The following TC2N variants were observed in gnomAD, a reference collection of about 807,000 sequenced individuals.
TC2N encodes tandem C2 domains nuclear protein.
A neutral mutation model predicts 61.9 loss-of-function variants in TC2N; 51 were observed. The observed-to-expected ratio is 0.82, with a 90% CI of 0.66 to 1.04. TC2N has a LOEUF of 1.04. Among genes scored for constraint, TC2N ranks in the 50% least tolerant of loss-of-function variants. TC2N has a pLI of 0.00. For synonymous variants in TC2N, 204 were observed against 192.6 expected, an observed-to-expected ratio of 1.06 and a Z score of -0.49; for missense variants, 556 against 566.7, an observed-to-expected ratio of 0.98 and a Z score of 0.19.
chr14:91,821,101 C>T (rs1887230665), intron 1 of TC2N, among the ~76,000 whole-genome samples: 1 of 151,910 alleles, frequency 6.6e-6, no homozygotes, highest in Middle Eastern at 3.2e-3. Context: ...TCCCTTCCAG[C>T]TTTTTTACAG....
intron 1 of TC2N, among the ~76,000 whole-genome samples, chr14:91,821,543 A>T (rs990624763): frequency 1.3e-5 from 2 of 152,000 alleles, no homozygotes; most frequent in Non-Finnish European, 2.9e-5. Flanking sequence ...AAACTTCAAA[A>T]CTCTTAGAAG....
At chr14:91,805,619 C>T (rs887731774) in intron 3 of TC2N, among the ~76,000 whole-genome samples, 1 of 151,722 alleles carries the variant, frequency 6.6e-6, no homozygotes, top group Non-Finnish European at 1.5e-5. Flanking sequence ...GAGCCAGGAT[C>T]GTGCCACTGC....
chr14:91,851,284 T>C (rs1201168494), intron 1 of TC2N, among the ~76,000 whole-genome samples: 1 of 152,160 alleles, frequency 6.6e-6, no homozygotes, highest in African/African-American at 2.4e-5. Context: ...ATACAGGGTG[T>C]GTATAAATAT....
intron 1 of TC2N, among the ~76,000 whole-genome samples, chr14:91,849,829 C>A (rs1470983769): frequency 1.3e-5 from 2 of 152,128 alleles, no homozygotes. Context: ...GGGTGGATCA[C>A]CGGAGGTCAG....
chr14:91,798,093 G>A (rs1388197146), intron 7 of TC2N, among the ~76,000 whole-genome samples, 192 bp from the exon 8 acceptor site: 1 of 151,814 alleles, frequency 6.6e-6, no homozygotes, highest in African/African-American at 2.4e-5. Context: ...TTTCCCTCTT[G>A]AGCTTAAAAA....
intron 1 of TC2N, among the ~76,000 whole-genome samples, chr14:91,857,711 A>G (rs577197183): frequency 2.0e-5 from 3 of 152,182 alleles, no homozygotes; most frequent in Non-Finnish European, 4.4e-5. Flanking sequence ...CATTCCTTCC[A>G]CTATTGGCAA....
intron 3 of TC2N, among the ~76,000 whole-genome samples, chr14:91,810,971 A>G (rs1566773113): frequency 6.6e-6 from 1 of 152,122 alleles, no homozygotes; most frequent in South Asian, 2.1e-4. Flanking sequence ...GACAAAAAAT[A>G]TTTGGACAAA....
chr14:91,801,031 CAT>C (rs1196550447), intron 4 of TC2N, among the ~76,000 whole-genome samples: 3 of 150,102 alleles, frequency 2.0e-5, no homozygotes, highest in East Asian at 2.0e-4. Flanking sequence ...TATACACACA[CAT>C]ATGTATACAT....
intron 1 of TC2N, among the ~76,000 whole-genome samples, chr14:91,852,475 G>A (rs953615997): frequency 1.3e-5 from 2 of 151,940 alleles, no homozygotes; most frequent in South Asian, 2.1e-4. Flanking sequence ...TTTTTCAATC[G>A]GGAAACCTGC....
Position 91,792,155 on chromosome 14 carries a change from G to T in TC2N, c.1047+212C>A, listed in dbSNP as rs566373980. 3.8e-3 allele frequency among the ~76,000 whole-genome samples: 580 copies of T among 152,110 alleles called. 6 individuals are homozygous for T. The highest frequency in any genetic ancestry group is 0.013 in the African/African-American group (549 of 41,504). On this transcript the variant is annotated intron_variant, in intron 9 of 11. Coordinates refer to ENST00000435962, the MANE Select transcript of TC2N (RefSeq NM_001128596.3). ...GAAAAAAGAAATGTGCTAGGAGAAG[G>T]TAACCCTGAGGTTATTTTCCAATGG...
At chr14:91,847,542 A>C (rs1888294898) in intron 1 of TC2N, among the ~76,000 whole-genome samples, 1 of 152,222 alleles carries the variant, frequency 6.6e-6, no homozygotes, top group South Asian at 2.1e-4. Flanking sequence ...GTGGAGACCC[A>C]AATGAAGAGG....
rs1887385147 is a variant in TC2N, at chr14:91,824,104, TGG to T, written c.-56-10281_-56-10280del. Among the ~76,000 whole-genome samples, 4 of 152,330 alleles carry T rather than the reference TGG, an allele frequency of 2.6e-5. No individual in the cohort carries two copies. The South Asian group carries it at 8.3e-4, about 32-fold the overall frequency. On this transcript the variant is annotated intron_variant, in intron 1 of 11. Coordinates refer to ENST00000435962, the MANE Select transcript of TC2N (RefSeq NM_001128596.3). Reference sequence around the variant, plus strand: ...ACTTTACCCAATGCCAGAAATGATATGGGGACATTTAGCTAGAACATTCTAGT... The same window carrying T: ...ACTTTACCCAATGCCAGAAATGATATGGACATTTAGCTAGAACATTCTAGT...
chr14:91,844,355 G>C (rs10145714), intron 1 of TC2N, among the ~76,000 whole-genome samples: 1 of 151,940 alleles, frequency 6.6e-6, no homozygotes, highest in African/African-American at 2.4e-5. Context: ...GGAAACGGGG[G>C]AGGAAGAGCC....
At chr14:91,800,727 A>G (rs185358555) in intron 4 of TC2N, among the ~76,000 whole-genome samples, 2,933 of 152,132 alleles carry the variant, frequency 0.019, 49 homozygotes, top group Non-Finnish European at 0.03. Context: ...ATTAATAAGC[A>G]TGTATTACTT....
intron 1 of TC2N, among the ~76,000 whole-genome samples, chr14:91,841,749 C>CAGGG: frequency 6.6e-6 from 1 of 152,292 alleles, no homozygotes; most frequent in East Asian, 1.9e-4. Context: ...TCCACCTGTA[C>CAGGG]AGGGCTTCAG....
chr14:91,800,143 A>G, intron 5 of TC2N, 138 bp downstream of exon 5: 1 of 455,712 alleles, frequency 2.2e-6, no homozygotes, highest in Non-Finnish European at 3.9e-6. Flanking sequence ...GGAAATATCA[A>G]TTATTTATTC....
rs569510649 is a variant in TC2N at position 91,867,513 on chromosome 14, T to A, written c.-308A>T. On this transcript the variant is annotated 5_prime_UTR_variant, in exon 1 of 12. Transcript: ENST00000435962. ...CTGAGCCATTTGGTGCTGATGTGAT[T>A]GCTAACACCACTTGACCCTGACTGA... 6.6e-6 allele frequency: 1 copy of A among 152,364 alleles called. No individual in the cohort carries two copies. Among genetic ancestry groups the A allele is most frequent in the African/African-American group, 2.4e-5 (1 of 41,578 alleles). 9.4% of individuals were successfully genotyped at this position (152,364 alleles called of 1,614,324 possible). A position where few individuals can be genotyped will look rare whatever the true frequency, so the allele number is the denominator to read the frequency against.
chr14:91,852,285 G>C (rs1332309410), intron 1 of TC2N, among the ~76,000 whole-genome samples: 1 of 152,204 alleles, frequency 6.6e-6, no homozygotes. Flanking sequence ...AAAAACCTTA[G>C]CCGGGTGTGG....
chr14:91,862,155 T>C (rs1888603741), intron 1 of TC2N, among the ~76,000 whole-genome samples: 1 of 151,294 alleles, frequency 6.6e-6, no homozygotes, highest in Non-Finnish European at 1.5e-5. Flanking sequence ...CTGGGCAACA[T>C]GGCGAAACCC....
Sources: allele counts gnomAD v4.1 joint callset (sites outside exome capture counted in the v4.1 genomes callset), GRCh38; gene constraint gnomAD v4.1.1; transcripts MANE v1.5; gene names NCBI Gene and HGNC (gene_info 2026-07-23, HGNC 2026-07-21).